Variants in IBTK observed in about 807,000 individuals in gnomAD.
IBTK encodes the protein inhibitor of Bruton tyrosine kinase.
Under a neutral mutation model 154.9 loss-of-function variants are expected in IBTK, and 83 were observed. The ratio of observed to expected loss-of-function variants is 0.54; its 90% CI spans 0.45 to 0.64. IBTK has a LOEUF of 0.64. Among genes scored for constraint, IBTK ranks in the 30% least tolerant of loss-of-function variants. IBTK has a pLI of 0.00. For synonymous variants in IBTK, 515 were observed against 536.1 expected (o/e 0.96, Z 0.54); for missense variants, 1,332 against 1,584.6 (o/e 0.84, Z 2.71).
chr6:82,185,649 T>C (rs1768524576), intron 25 of IBTK, among the ~76,000 whole-genome samples: 1 of 151,854 alleles, frequency 6.6e-6, no homozygotes, highest in Non-Finnish European at 1.5e-5. Flanking sequence ...ACATTCTATG[T>C]GTATCTGATT....
At chr6:82,193,809 G>A (rs1030288660) in intron 23 of IBTK, among the ~76,000 whole-genome samples, 4 of 151,864 alleles carry the variant, frequency 2.6e-5, no homozygotes, top group Non-Finnish European at 5.9e-5. Context: ...AGCCTCCCAA[G>A]TAGCTCGGAT....
At chr6:82,213,565 A>C (rs1769735689) in intron 12 of IBTK, among the ~76,000 whole-genome samples, 1 of 152,240 alleles carries the variant, frequency 6.6e-6, no homozygotes, top group African/African-American at 2.4e-5. Flanking sequence ...TGAAGTAAGA[A>C]GGATCGCTTG....
At chr6:82,175,186 A>T (rs1250737650) in intron 26 of IBTK, among the ~76,000 whole-genome samples, 3 of 152,208 alleles carry the variant, frequency 2.0e-5, no homozygotes, top group Non-Finnish European at 4.4e-5. Context: ...ACTGAAACAG[A>T]AACTCAAAGG....
Position 82,212,730 on chromosome 6 carries a change from T to C in IBTK, c.2268A>G (p.Lys756=), listed in dbSNP as rs1769700017. 1 of 1,595,684 alleles carries C rather than the reference T, an allele frequency of 6.3e-7. No homozygotes were observed. Among genetic ancestry groups the C allele is most frequent in the Admixed American group, 1.7e-5 (1 of 59,976 alleles). ...INVIAKNTGN[K]LKLSQKKCSF... Reference sequence around the variant, plus strand: ...ACCATTTTTTCTGACTTAGCTTCAGTTTATTACCAGTGTTCTTGGCAATAA... The same window carrying C: ...ACCATTTTTTCTGACTTAGCTTCAGCTTATTACCAGTGTTCTTGGCAATAA... Residue 756 remains lysine (K), a synonymous_variant, in exon 13 of 29, where the codon AAA becomes AAG. Coordinates refer to ENST00000306270, the MANE Select transcript of IBTK (RefSeq NM_015525.4).
intron 9 of IBTK, among the ~76,000 whole-genome samples, chr6:82,220,140 G>GA (rs1184749514): frequency 6.6e-6 from 1 of 152,138 alleles, no homozygotes; most frequent in Admixed American, 6.5e-5. Flanking sequence ...AACCCAGGAG[G>GA]TGGAGGTTGC....
intron 21 of IBTK, among the ~76,000 whole-genome samples, chr6:82,197,244 A>G (rs1486301838): frequency 5.9e-5 from 9 of 152,152 alleles, no homozygotes; most frequent in Admixed American, 5.9e-4. Context: ...TAAAAATAAA[A>G]CCTACCATCT....
In IBTK at chr6:82,216,234, A is replaced by T. The variant is rs768846467; in HGVS notation, c.1443T>A (p.Leu481=). The change falls in exon 11 of 29, where the codon CTT becomes CTA. Residue 481 remains leucine, a synonymous_variant. Transcript: ENST00000306270. The part of the protein sequence containing the change: ...SSEKKEILSN[L]HNSSSDVSYV... ...AAGACACATCTGATGAGGAATTGTG[A>T]AGGTTTGATAAAATCTCTGTTAAAA... 5 of 1,580,892 alleles carry T rather than the reference A, an allele frequency of 3.2e-6. No individual in the cohort carries two copies. Among genetic ancestry groups the T allele is most frequent in the Non-Finnish European group, 8.6e-7 (1 of 1,167,732 alleles).
At position 82,170,719 on chromosome 6, in the gene IBTK, C is replaced by A. The variant is rs1341017023; in HGVS notation, c.*706G>T. ...CCTCCATCCCACCAAAAATAACCCA[C>A]AATGACTCCAAATCTTGTTTTTCTT... On this transcript the variant is annotated 3_prime_UTR_variant, in exon 29 of 29. Coordinates refer to ENST00000306270, the MANE Select transcript of IBTK (RefSeq NM_015525.4). 2.0e-5 allele frequency: 3 copies of A among 152,214 alleles called. No homozygotes were observed. The highest frequency in any genetic ancestry group is 2.9e-5 in the Non-Finnish European group (2 of 68,040). The allele number at this position is 152,214 out of a possible 1,614,324, so 9.4% of individuals were successfully genotyped here. A position where few individuals can be genotyped will look rare whatever the true frequency, so the allele number is the denominator to read the frequency against.
At chr6:82,245,722 G>A (rs1157850071) in intron 1 of IBTK, among the ~76,000 whole-genome samples, 2 of 151,918 alleles carry the variant, frequency 1.3e-5, no homozygotes, top group Non-Finnish European at 2.9e-5. Flanking sequence ...ATACACACAA[G>A]GATAGACAGG....
rs577988254 is a variant in IBTK at position 82,211,254 on chromosome 6, G to A, written c.2412+113C>T. On this transcript the variant is annotated intron_variant, in intron 15 of 28. Transcript: ENST00000306270. The stretch of plus-strand genomic sequence containing the variant: ...CTCAAGCATAAAGTTTAATATAAAT[G>A]AAAAACTGAGCTAAAATATCCAGTT... 34 of 787,146 alleles carry A rather than the reference G, an allele frequency of 4.3e-5. No individual in the cohort carries two copies. In the African/African-American group the frequency reaches 5.1e-4, roughly 12 times the overall value. The allele number at this position is 787,146 out of a possible 1,614,324, so 48.8% of individuals were successfully genotyped here.
At position 82,218,144 on chromosome 6, in the gene IBTK, CA is replaced by C; in HGVS notation, c.1249-8del. On this transcript the variant is annotated splice_region_variant and splice_polypyrimidine_tract_variant and intron_variant, in intron 9 of 28. Coordinates refer to ENST00000306270, the MANE Select transcript of IBTK (RefSeq NM_015525.4). ...CTGATCTCCAGCAAAACACCTAAAACAAAACCAAATCACATTGAAATATAAA... is the reference window on the plus strand; with the variant it reads ...CTGATCTCCAGCAAAACACCTAAAACAAACCAAATCACATTGAAATATAAA... 3 of 1,533,808 alleles carry C rather than the reference CA, an allele frequency of 2.0e-6. No homozygotes were observed. The highest frequency in any genetic ancestry group is 2.6e-6 in the Non-Finnish European group (3 of 1,142,804).
intron 11 of IBTK, among the ~76,000 whole-genome samples, chr6:82,215,421 T>C (rs1447270892): frequency 6.6e-6 from 1 of 152,196 alleles, no homozygotes; most frequent in Non-Finnish European, 1.5e-5. Flanking sequence ...CAGAAATCTT[T>C]GCAAACTGCC....
At chr6:82,202,400 T>C (rs1769241859) in intron 18 of IBTK, 128 bp downstream of exon 18, 2 of 664,806 alleles carry the variant, frequency 3.0e-6, no homozygotes, top group Non-Finnish European at 5.3e-6. Flanking sequence ...TTCTAAATCA[T>C]CAGCATTGAT....
chr6:82,211,692 C>T (rs1769649966), intron 13 of IBTK, 120 bp from the exon 14 acceptor site: 2 of 726,316 alleles, frequency 2.8e-6, no homozygotes, highest in Admixed American at 4.6e-5. Flanking sequence ...AAATAACTTG[C>T]AGGAATACAT....
In IBTK at chr6:82,216,262, A is replaced by G; in HGVS notation, c.1427-12T>C. Reference sequence around the variant, plus strand: ...GTTTGATAAAATCTCTGTTAAAAAAAAATAAACTACCATTAATCAAGGCTT... The same window carrying G: ...GTTTGATAAAATCTCTGTTAAAAAAGAATAAACTACCATTAATCAAGGCTT... On this transcript the variant is annotated splice_polypyrimidine_tract_variant and intron_variant, in intron 10 of 28. Coordinates refer to ENST00000306270, the MANE Select transcript of IBTK (RefSeq NM_015525.4). The G allele has an allele frequency of 6.5e-7, 1 of 1,538,060 alleles. No individual in the cohort carries two copies. Among genetic ancestry groups the G allele is most frequent in the Non-Finnish European group, 8.8e-7 (1 of 1,131,924 alleles).
intron 1 of IBTK, among the ~76,000 whole-genome samples, chr6:82,243,948 C>T (rs372679792): frequency 1.3e-5 from 2 of 151,960 alleles, no homozygotes; most frequent in African/African-American, 2.4e-5. Context: ...ATAGAGAAAG[C>T]GGCACCTACA....
rs142794833 is a variant in IBTK, at chr6:82,219,421, G to A, written c.1248+1169C>T. ...AACTTTACAGCACATTATAAACCTC[G>A]GAAAACATTATTTTAATTTGATAAG... On this transcript the variant is annotated intron_variant, in intron 9 of 28. Transcript: ENST00000306270. Among the ~76,000 whole-genome samples, 263 of 151,934 alleles carry A rather than the reference G, an allele frequency of 1.7e-3. 2 individuals carry two copies. The highest frequency in any genetic ancestry group is 5.3e-3 in the African/African-American group (220 of 41,446).
chr6:82,182,980 C>A (rs892360882), intron 25 of IBTK, among the ~76,000 whole-genome samples: 5 of 152,268 alleles, frequency 3.3e-5, no homozygotes, highest in African/African-American at 1.2e-4. Flanking sequence ...GAGTCAGAGG[C>A]ATTCAGCTGA....
intron 2 of IBTK, among the ~76,000 whole-genome samples, chr6:82,234,789 T>C (rs1332441163): frequency 6.6e-6 from 1 of 152,176 alleles, no homozygotes; most frequent in Non-Finnish European, 1.5e-5. Flanking sequence ...CGACTCTTGC[T>C]GGAATAAGGA....
Sources: allele counts gnomAD v4.1 joint callset (sites outside exome capture counted in the v4.1 genomes callset), GRCh38; gene constraint gnomAD v4.1.1; transcripts MANE v1.5; gene names NCBI Gene and HGNC (gene_info 2026-07-23, HGNC 2026-07-21).